The following CES5A variants were observed in gnomAD, a reference collection of about 807,000 sequenced individuals.
The protein encoded by CES5A is carboxylesterase 5.
In CES5A, 67 loss-of-function variants were observed where a neutral mutation model predicts 62.9. That is an observed-to-expected ratio of 1.07 (90% CI 0.88 to 1.31). CES5A has a LOEUF of 1.31. CES5A is among the 50% of genes most tolerant of loss of function. CES5A has a pLI of 0.00. For missense variants in CES5A, 748 were observed against 708.5 expected (o/e 1.06, Z -0.63); for synonymous variants, 296 against 280.8 (o/e 1.05, Z -0.54).
At chr16:55,848,390 A>T (rs2033059635) in intron 11 of CES5A, among the ~76,000 whole-genome samples, 1 of 152,204 alleles carries the variant, frequency 6.6e-6, no homozygotes, top group African/African-American at 2.4e-5. Flanking sequence ...AAGTGCTGGG[A>T]TTACAGGTGT....
intron 2 of CES5A, among the ~76,000 whole-genome samples, chr16:55,940,095 A>T (rs532350127): frequency 1.3e-5 from 2 of 152,160 alleles, no homozygotes; most frequent in Admixed American, 1.3e-4. Context: ...AAAAATAAAG[A>T]TCTCAAATCA....
chr16:55,876,115 G>A (rs765913012), upstream of CES5A, among the ~76,000 whole-genome samples: 42 of 152,040 alleles, frequency 2.8e-4, no homozygotes, highest in Admixed American at 6.6e-4. Flanking sequence ...TTCCTCCTTG[G>A]AGTACACCTA....
At chr16:55,954,440 G>A (rs919606744) in intron 1 of CES5A, among the ~76,000 whole-genome samples, 2 of 152,178 alleles carry the variant, frequency 1.3e-5, no homozygotes, top group Non-Finnish European at 1.5e-5. Flanking sequence ...CTCAGGAGCG[G>A]GAGAGGAGAG....
At position 55,856,426 on chromosome 16, in the gene CES5A, A is replaced by G. The variant is rs767276795; in HGVS notation, c.1076T>C (p.Leu359Pro). ...GGCAAGGGACTTGTTGGAGCCACTG[A>G]GGATCTCAGGAGCCTCCTTCTGTGG... ...LLPMKEAPEILSGSNKSLALH... is the reference protein window; with the variant it reads ...LLPMKEAPEIPSGSNKSLALH... The change falls in exon 9 of 13, where the codon CTC (leucine) becomes CCC (proline). Residue 359 changes from leucine to proline, a missense_variant. Physicochemically the swap from Leu to Pro is moderately conservative, Grantham distance 98. Coordinates refer to ENST00000290567, the MANE Select transcript of CES5A (RefSeq NM_001143685.2). 1 of 1,613,922 alleles carries G rather than the reference A, an allele frequency of 6.2e-7. No individual in the cohort carries two copies. The highest frequency in any genetic ancestry group is 8.5e-7 in the Non-Finnish European group (1 of 1,179,996).
At chr16:55,876,377 C>T, upstream of CES5A, among the ~76,000 whole-genome samples, 1 of 121,314 alleles carries the variant, frequency 8.2e-6, no homozygotes, top group African/African-American at 3.2e-5. Flanking sequence ...TTCTATACCA[C>T]AAAACATTCC....
Position 55,853,047 on chromosome 16 carries a change from C to G in CES5A, c.1126-19G>C. 3.1e-6 allele frequency: 5 copies of G among 1,613,130 alleles called. No individual in the cohort carries two copies. Among genetic ancestry groups the G allele is most frequent in the Non-Finnish European group, 4.2e-6 (5 of 1,179,450 alleles). On this transcript the variant is annotated intron_variant, in intron 9 of 12. Coordinates refer to ENST00000290567, the MANE Select transcript of CES5A (RefSeq NM_001143685.2). ...GGATGTGCTGTAAAAATATCGTAGT[C>G]CTAGGAGATCCAGGTCAACCACAAT...
chr16:55,953,519 G>C (rs1263193572), intron 1 of CES5A, among the ~76,000 whole-genome samples: 1 of 151,860 alleles, frequency 6.6e-6, no homozygotes, highest in Non-Finnish European at 1.5e-5. Flanking sequence ...TGACTATGTA[G>C]AATATATATT....
chr16:55,886,900 C>T (rs567906093), intron 1 of CES5A, among the ~76,000 whole-genome samples: 1 of 151,934 alleles, frequency 6.6e-6, no homozygotes, highest in South Asian at 2.1e-4. Context: ...CAAAATGGAG[C>T]TATTTTGTGG....
chr16:55,906,239 T>C (rs774359172), intron 1 of CES5A, among the ~76,000 whole-genome samples: 2 of 152,244 alleles, frequency 1.3e-5, no homozygotes, highest in African/African-American at 4.8e-5. Flanking sequence ...AGATTGTCCC[T>C]GTTTCCTGGT....
intron 1 of CES5A, among the ~76,000 whole-genome samples, chr16:55,882,452 G>A (rs147042965): frequency 1.3e-5 from 2 of 152,300 alleles, no homozygotes; most frequent in African/African-American, 4.8e-5. Flanking sequence ...CTTGCCATGA[G>A]CTCCACCTGC....
intron 1 of CES5A, among the ~76,000 whole-genome samples, chr16:55,915,933 T>C (rs1328246552): frequency 2.6e-5 from 4 of 152,242 alleles, no homozygotes; most frequent in Non-Finnish European, 4.4e-5. Flanking sequence ...CAATGGGTTC[T>C]TCTTGCTCAC....
intron 1 of CES5A, among the ~76,000 whole-genome samples, chr16:55,908,177 C>T (rs1036019429): frequency 6.6e-6 from 1 of 152,104 alleles, no homozygotes; most frequent in South Asian, 2.1e-4. Context: ...ATCAGCCTAA[C>T]TCTCCAGCTT....
intron 1 of CES5A, among the ~76,000 whole-genome samples, chr16:55,901,416 A>G (rs541945159): frequency 3.3e-4 from 51 of 152,318 alleles, no homozygotes; most frequent in African/African-American, 1.2e-3. Context: ...CAGCAAGCAC[A>G]TACCTTGGAG....
At chr16:55,859,051 G>A (rs149090960) in intron 8 of CES5A, among the ~76,000 whole-genome samples, 394 of 152,246 alleles carry the variant, frequency 2.6e-3, no homozygotes, top group South Asian at 0.025. Context: ...CTCAGTTTTT[G>A]TAAGCCTCTA....
Position 55,856,451 on chromosome 16 carries a change from GA to G in CES5A, c.1057-7del. 1.2e-6 allele frequency: 2 copies of G among 1,613,964 alleles called. No homozygotes were observed. Among genetic ancestry groups the G allele is most frequent in the South Asian group, 2.2e-5 (2 of 91,076 alleles). On this transcript the variant is annotated splice_region_variant and splice_polypyrimidine_tract_variant and intron_variant, in intron 8 of 12. Transcript: ENST00000290567. ...AGGATCTCAGGAGCCTCCTTCTGTG[GA>G]GAGAAGCGTGCCCTCTGTAAGCCAT...
rs997115166 is a variant in CES5A at position 55,873,886 on chromosome 16, C to T, written c.225G>A (p.Pro75=). ...AGTTATCCCAGGGCGATGCAGGCTGCGGGTTCGTAAATCGCAGGGATCCCA... is the reference window on the plus strand; with the variant it reads ...AGTTATCCCAGGGCGATGCAGGCTGTGGGTTCGTAAATCGCAGGGATCCCA... ...PPLGSLRFTN[P]QPASPWDNLR... The change falls in exon 2 of 13, where the codon CCG becomes CCA. Residue 75 remains proline (P), a synonymous_variant. Coordinates refer to ENST00000290567, the MANE Select transcript of CES5A (RefSeq NM_001143685.2). 1.9e-6 allele frequency: 3 copies of T among 1,613,708 alleles called. No individual in the cohort carries two copies. Among genetic ancestry groups the T allele is most frequent in the Admixed American group, 1.7e-5 (1 of 60,008 alleles).
At chr16:55,895,198 G>T (rs2033919628) in intron 1 of CES5A, among the ~76,000 whole-genome samples, 1 of 151,986 alleles carries the variant, frequency 6.6e-6, no homozygotes, top group African/African-American at 2.4e-5. Context: ...GGACTAATTT[G>T]GTTGTTTTTT....
chr16:55,857,407 C>T (rs1426089670), intron 8 of CES5A, among the ~76,000 whole-genome samples: 26 of 152,168 alleles, frequency 1.7e-4, no homozygotes, highest in African/African-American at 3.9e-4. Flanking sequence ...GCAGCAGAAA[C>T]GCTATCCACT....
At chr16:55,927,798 A>G (rs1289570337), upstream of CES5A, among the ~76,000 whole-genome samples, 2 of 152,220 alleles carry the variant, frequency 1.3e-5, no homozygotes, top group Admixed American at 6.5e-5. Context: ...AGAGGTTACT[A>G]TATTTTAAAA....
Sources: gnomAD v4.1 joint callset for allele counts (sites outside exome capture counted in the v4.1 genomes callset) on GRCh38, gnomAD v4.1.1 for gene constraint, MANE v1.5 for transcripts, NCBI Gene and HGNC (gene_info 2026-07-23, HGNC 2026-07-21) for gene names.